Variants in ITPR2 observed in about 807,000 individuals in gnomAD.
The protein encoded by ITPR2 is inositol 1,4,5-trisphosphate-gated calcium channel ITPR2.
Under a neutral mutation model 317.1 loss-of-function variants are expected in ITPR2, and 207 were observed. That is an observed-to-expected ratio of 0.65 (90% CI 0.58 to 0.73). ITPR2 has a LOEUF of 0.73. ITPR2 is among the 30% of genes least tolerant of loss of function. The probability of loss-of-function intolerance (pLI) is 0.00; values close to 1 mark genes in which losing one functional copy is unlikely to be tolerated. For synonymous variants in ITPR2, 1,156 were observed against 1,149.1 expected, an observed-to-expected ratio of 1.01 and a Z score of -0.12; for missense variants, 2,613 against 3,284.0, an observed-to-expected ratio of 0.80 and a Z score of 4.99.
At chr12:26,547,095 CT>C (rs1944407647) in intron 37 of ITPR2, among the ~76,000 whole-genome samples, 1 of 152,080 alleles carries the variant, frequency 6.6e-6, no homozygotes, top group African/African-American at 2.4e-5. Flanking sequence ...AGAGGAAACA[CT>C]CAACAGAGTG....
intron 37 of ITPR2, among the ~76,000 whole-genome samples, chr12:26,510,105 T>G (rs1446377502): frequency 6.6e-6 from 1 of 151,962 alleles, no homozygotes; most frequent in Non-Finnish European, 1.5e-5. Flanking sequence ...TTCAAAATGT[T>G]GCTCTCATCA....
chr12:26,675,823 T>G (rs781720316), intron 13 of ITPR2, among the ~76,000 whole-genome samples: 1 of 152,210 alleles, frequency 6.6e-6, no homozygotes. Context: ...AAAATACAGA[T>G]AGAAAGTAAT....
chr12:26,771,550 T>C (rs1163102113), intron 2 of ITPR2, among the ~76,000 whole-genome samples: 1 of 152,232 alleles, frequency 6.6e-6, no homozygotes, highest in African/African-American at 2.4e-5. Flanking sequence ...AGTCTCCCTC[T>C]GTCGCCCAGG....
chr12:26,717,720 A>C (rs925071580), intron 5 of ITPR2, among the ~76,000 whole-genome samples: 9 of 152,228 alleles, frequency 5.9e-5, no homozygotes, highest in African/African-American at 2.2e-4. Context: ...TGCATACCTG[A>C]GGAAGAAGAA....
intron 5 of ITPR2, among the ~76,000 whole-genome samples, 161 bp downstream of exon 5, chr12:26,722,236 G>T (rs1389371688): frequency 6.6e-6 from 1 of 152,118 alleles, no homozygotes; most frequent in Non-Finnish European, 1.5e-5. Context: ...AGCACAATTT[G>T]TACTATAAAT....
intron 41 of ITPR2, among the ~76,000 whole-genome samples, chr12:26,484,773 A>G (rs551775724): frequency 1.7e-3 from 254 of 152,206 alleles, no homozygotes; most frequent in African/African-American, 5.8e-3. Context: ...GTGCAGTGGC[A>G]TCATCTCCGC....
chr12:26,550,174 T>C (rs976290939), intron 37 of ITPR2, 73 bp downstream of exon 37: 14 of 627,164 alleles, frequency 2.2e-5, no homozygotes, highest in African/African-American at 7.6e-5. Context: ...TAATAGCCTA[T>C]TGTAATTCAT....
intron 39 of ITPR2, among the ~76,000 whole-genome samples, chr12:26,492,943 A>G (rs532530416): frequency 0.015 from 2,283 of 147,464 alleles, 62 homozygotes; most frequent in African/African-American, 0.054. Flanking sequence ...ATATATATAT[A>G]AAAGCATCAG....
chr12:26,511,168 TAA>T (rs972506750), intron 37 of ITPR2, among the ~76,000 whole-genome samples: 2 of 152,172 alleles, frequency 1.3e-5, no homozygotes, highest in Non-Finnish European at 2.9e-5. Flanking sequence ...TGTTTAAAAG[TAA>T]AAGAGTGCTC....
At chr12:26,775,959 T>TATATATATATATACACACACATA (rs1263788006) in intron 2 of ITPR2, among the ~76,000 whole-genome samples, 5 of 145,170 alleles carry the variant, frequency 3.4e-5, no homozygotes, top group Admixed American at 6.9e-5. Flanking sequence ...TATATGTATA[T>TATATATATATATACACACACATA]CCTATTAGTT....
chr12:26,712,276 C>T (rs924247805), intron 8 of ITPR2, among the ~76,000 whole-genome samples: 1 of 152,124 alleles, frequency 6.6e-6, no homozygotes, highest in Admixed American at 6.5e-5. Context: ...CAGCACATTA[C>T]GTTCTTTTTG....
At chr12:26,744,380 C>T (rs908130333) in intron 2 of ITPR2, among the ~76,000 whole-genome samples, 1 of 152,244 alleles carries the variant, frequency 6.6e-6, no homozygotes, top group Admixed American at 6.5e-5. Flanking sequence ...CTCTCTCCAC[C>T]TCTGCCTGTT....
At chr12:26,673,701 TAGGCA>T (rs1339914867) in intron 13 of ITPR2, among the ~76,000 whole-genome samples, 1 of 150,560 alleles carries the variant, frequency 6.6e-6, no homozygotes, top group South Asian at 2.1e-4. Flanking sequence ...CCAGGGCAAT[TAGGCA>T]GGAGAAGAAA....
chr12:26,397,043 G>T (rs1322096207), intron 54 of ITPR2, among the ~76,000 whole-genome samples: 1 of 151,384 alleles, frequency 6.6e-6, no homozygotes, highest in African/African-American at 2.4e-5. Context: ...TCTGCTTCTG[G>T]TACTGTTTCC....
intron 36 of ITPR2, among the ~76,000 whole-genome samples, chr12:26,553,942 T>C (rs1944595114): frequency 6.6e-6 from 1 of 152,190 alleles, no homozygotes; most frequent in Non-Finnish European, 1.5e-5. Context: ...GGCTGTAATA[T>C]AATTGCAATA....
At chr12:26,724,011 G>A (rs964250511) in intron 4 of ITPR2, among the ~76,000 whole-genome samples, 4 of 152,092 alleles carry the variant, frequency 2.6e-5, no homozygotes, top group South Asian at 2.1e-4. Flanking sequence ...GCCTTACCCC[G>A]ATTTCAATTT....
chr12:26,550,396 C>A, intron 36 of ITPR2, 41 bp from the exon 37 acceptor site: 1 of 864,156 alleles, frequency 1.2e-6, no homozygotes, highest in Non-Finnish European at 1.9e-6. Context: ...ACAGTGATTT[C>A]TCTTCAAGCT....
intron 1 of ITPR2, among the ~76,000 whole-genome samples, chr12:26,809,061 A>C (rs1950687719): frequency 6.6e-6 from 1 of 152,148 alleles, no homozygotes; most frequent in Non-Finnish European, 1.5e-5. Flanking sequence ...CATATGTTTC[A>C]TCCCTGCACT....
In ITPR2 at chr12:26,495,211, T is replaced by C; in HGVS notation, c.5123A>G (p.Tyr1708Cys). The change falls in exon 38 of 57, where the codon TAT becomes TGT. Residue 1708 changes from tyrosine to cysteine, a missense_variant. Transcript: ENST00000381340. ...ILLNRYFKGD[Y>C]SIGVNGHLSG... ...TAGGTGTCCATTCACACCAATACTA[T>C]AATCACCTTTAAAGTATCGATTCAG... is the stretch of plus-strand genomic sequence containing the variant. 6.2e-7 allele frequency: 1 copy of C among 1,609,404 alleles called. No homozygotes were observed. The highest frequency in any genetic ancestry group is 8.5e-7 in the Non-Finnish European group (1 of 1,175,708).
Sources: allele counts gnomAD v4.1 joint callset (sites outside exome capture counted in the v4.1 genomes callset), GRCh38; gene constraint gnomAD v4.1.1; transcripts MANE v1.5; gene names NCBI Gene and HGNC (gene_info 2026-07-23, HGNC 2026-07-21).